GAS7: variants seen among roughly 807,000 people sequenced by gnomAD.
GAS7 encodes growth arrest-specific protein 7.
A neutral mutation model predicts 71.1 loss-of-function variants in GAS7; 28 were observed. The observed-to-expected ratio is 0.39, with a 90% CI of 0.29 to 0.54. The LOEUF is 0.54. GAS7 is among the 20% of genes least tolerant of loss of function. The pLI, the probability that GAS7 is intolerant of heterozygous loss-of-function variation, is 0.62. For synonymous variants in GAS7, 258 were observed against 245.8 expected, an observed-to-expected ratio of 1.05 and a Z score of -0.46; for missense variants, 436 against 627.8, an observed-to-expected ratio of 0.69 and a Z score of 3.27.
chr17:10,189,187 C>T (rs1281260675), intron 1 of GAS7, among the ~76,000 whole-genome samples: 1 of 152,120 alleles, frequency 6.6e-6, no homozygotes, highest in African/African-American at 2.4e-5. Flanking sequence ...AAGTGACCTG[C>T]AAGAAGTGAG....
intron 11 of GAS7, among the ~76,000 whole-genome samples, chr17:9,922,346 A>G (rs1348625029): frequency 6.6e-6 from 1 of 152,214 alleles, no homozygotes; most frequent in Non-Finnish European, 1.5e-5. Flanking sequence ...GTCCAGCAAA[A>G]TGGCGACAAG....
intron 1 of GAS7, among the ~76,000 whole-genome samples, chr17:10,024,713 C>G (rs1326014266): frequency 6.6e-6 from 1 of 152,158 alleles, no homozygotes; most frequent in Non-Finnish European, 1.5e-5. Context: ...AGTAGGCAAC[C>G]TGCTCAATGA....
At chr17:10,021,945 G>T (rs765484572) in intron 1 of GAS7, among the ~76,000 whole-genome samples, 4 of 150,670 alleles carry the variant, frequency 2.7e-5, no homozygotes, top group Non-Finnish European at 4.4e-5. Flanking sequence ...CGGCATGGGT[G>T]GGGGGTCAGG....
intron 3 of GAS7, among the ~76,000 whole-genome samples, chr17:9,977,481 C>G (rs899679962): frequency 6.6e-6 from 1 of 152,180 alleles, no homozygotes; most frequent in Admixed American, 6.5e-5. Context: ...CACGTTAAGC[C>G]CAGCCCAAAG....
chr17:10,013,662 C>T (rs1288251496), intron 2 of GAS7, among the ~76,000 whole-genome samples: 1 of 152,244 alleles, frequency 6.6e-6, no homozygotes, highest in African/African-American at 2.4e-5. Context: ...TTCCTGTTAG[C>T]CATCTGGCCC....
At chr17:10,036,562 T>C (rs2152224704) in intron 1 of GAS7, 1 of 1,560,820 alleles carries the variant, frequency 6.4e-7, no homozygotes, top group East Asian at 2.3e-5. Context: ...CTCCGGGAAA[T>C]GGGGCTGAGG....
chr17:9,980,791 A>G (rs1054430606), intron 3 of GAS7, among the ~76,000 whole-genome samples: 3 of 152,246 alleles, frequency 2.0e-5, no homozygotes, highest in Non-Finnish European at 4.4e-5. Context: ...ACATTAAAAT[A>G]GCATGCGGCT....
In GAS7 at chr17:9,912,696, G is replaced by C. The variant is rs1348185755; in HGVS notation, c.*4532C>G. 8.6e-6 allele frequency: 2 copies of C among 232,766 alleles called. No homozygotes were observed. The highest frequency in any genetic ancestry group is 1.7e-5 in the Non-Finnish European group (2 of 117,812). The allele number at this position is 232,766 out of a possible 1,614,324, so 14.4% of individuals were successfully genotyped here. A position where few individuals can be genotyped will look rare whatever the true frequency, so the allele number is the denominator to read the frequency against. ...GCCAAAAGGCGAGTGTGAGCCCTAA[G>C]AACAGCTTGTGGGCACAGCTGGCAT... On this transcript the variant is annotated 3_prime_UTR_variant, in exon 14 of 14. Transcript: ENST00000432992.
In GAS7 at chr17:9,959,386, A is replaced by G; in HGVS notation, c.472-131T>C. On this transcript the variant is annotated intron_variant, in intron 4 of 13. Coordinates refer to ENST00000432992, the MANE Select transcript of GAS7 (RefSeq NM_201433.2). This position sits in a 1 kb window ranked among gnomAD's most constrained non-coding sequence, Gnocchi z 5.0. ...CTCAGTCTGAATCCTAAGTCACCATATTCTGGGCCAGGGCAAGCAGGGGTC... is the reference window on the plus strand; with the variant it reads ...CTCAGTCTGAATCCTAAGTCACCATGTTCTGGGCCAGGGCAAGCAGGGGTC... The G allele has an allele frequency of 6.6e-7, 1 of 1,518,494 alleles. No homozygotes were observed. Among genetic ancestry groups the G allele is most frequent in the East Asian group, 2.4e-5 (1 of 41,160 alleles). 94.1% of individuals were successfully genotyped at this position (1,518,494 alleles called of 1,614,324 possible). A position where few individuals can be genotyped will look rare whatever the true frequency, so the allele number is the denominator to read the frequency against.
intron 1 of GAS7, among the ~76,000 whole-genome samples, chr17:10,168,027 T>C (rs780424702): frequency 4.6e-5 from 7 of 152,120 alleles, no homozygotes; most frequent in Non-Finnish European, 7.4e-5. Context: ...CCCAGGTTGA[T>C]GGACTCTAAC....
chr17:10,197,894 C>A (rs2074552133), intron 1 of GAS7, among the ~76,000 whole-genome samples: 1 of 152,232 alleles, frequency 6.6e-6, no homozygotes, highest in African/African-American at 2.4e-5. Flanking sequence ...CTGCCACTGC[C>A]GGGAACGCTC....
At chr17:10,046,812 G>A (rs2072971352) in intron 1 of GAS7, among the ~76,000 whole-genome samples, 2 of 112,732 alleles carry the variant, frequency 1.8e-5, no homozygotes, top group South Asian at 2.7e-4. Context: ...AAGGAAGGAA[G>A]GAAGGAAGGA....
intron 2 of GAS7, among the ~76,000 whole-genome samples, chr17:10,012,202 T>A (rs916298448): frequency 1.7e-4 from 26 of 152,106 alleles, no homozygotes; most frequent in African/African-American, 5.6e-4. Flanking sequence ...ATCTAAAAGG[T>A]CAGCATCTCT....
intron 1 of GAS7, among the ~76,000 whole-genome samples, chr17:10,123,058 C>T (rs560348964): frequency 6.6e-6 from 1 of 152,240 alleles, no homozygotes; most frequent in South Asian, 2.1e-4. Context: ...TCTCAAACTC[C>T]TGGGCTCAAG....
chr17:10,162,064 C>CT (rs1225828099), intron 1 of GAS7, among the ~76,000 whole-genome samples: 5 of 53,550 alleles, frequency 9.3e-5, no homozygotes, highest in Non-Finnish European at 1.6e-4. Context: ...AAGACTCCAT[C>CT]TCAAAAAAAA....
chr17:10,099,089 G>C (rs2073672537), intron 1 of GAS7, among the ~76,000 whole-genome samples: 1 of 152,204 alleles, frequency 6.6e-6, no homozygotes, highest in African/African-American at 2.4e-5. Flanking sequence ...CTTTCTCTAA[G>C]CCCTGTCTCC....
At chr17:10,173,431 G>A (rs2074349966) in intron 1 of GAS7, among the ~76,000 whole-genome samples, 2 of 152,122 alleles carry the variant, frequency 1.3e-5, no homozygotes, top group African/African-American at 4.8e-5. Flanking sequence ...TAAGTAATGA[G>A]TTTCCCGAAA....
chr17:10,044,078 T>G (rs918212448), intron 1 of GAS7, among the ~76,000 whole-genome samples: 6 of 152,270 alleles, frequency 3.9e-5, no homozygotes, highest in African/African-American at 1.4e-4. Context: ...CAGTCTACGG[T>G]ACCTGACAAG....
rs148937908 is a variant in GAS7 at position 10,185,949 on chromosome 17, A to AT, written c.183+12258dup. Reference sequence around the variant, plus strand: ...ACTTCAGACTACTAAATCAGTCTGCATTTTTTTTTTTTTTTTTTTTTTTGG... The same window carrying AT: ...ACTTCAGACTACTAAATCAGTCTGCATTTTTTTTTTTTTTTTTTTTTTTTGG... On this transcript the variant is annotated intron_variant, in intron 1 of 13. Transcript: ENST00000432992. Among the ~76,000 whole-genome samples the AT allele has an allele frequency of 5.2e-3, 483 of 92,518 alleles. 1 individual carries two copies. Among genetic ancestry groups the AT allele is most frequent in the East Asian group, 6.4e-3 (22 of 3,460 alleles). 60.7% of individuals were successfully genotyped at this position (92,518 alleles called of 152,430 possible).
Sources: allele counts gnomAD v4.1 joint callset (sites outside exome capture counted in the v4.1 genomes callset), GRCh38; gene constraint gnomAD v4.1.1; non-coding constraint Gnocchi (gnomAD v3.1); transcripts MANE v1.5; gene names NCBI Gene and HGNC (gene_info 2026-07-23, HGNC 2026-07-21).